The following DLGAP2 variants were observed in gnomAD, a reference collection of about 807,000 sequenced individuals.
DLGAP2 encodes the protein DLG associated protein 2.
A neutral mutation model predicts 100.3 loss-of-function variants in DLGAP2; 26 were observed. That is an observed-to-expected ratio of 0.26 (90% CI 0.19 to 0.36). The LOEUF (loss-of-function observed/expected upper bound fraction) is 0.36, where lower values mean the gene tolerates loss of function less well. Among genes scored for constraint, DLGAP2 ranks in the 10% least tolerant of loss-of-function variants. The pLI is 1.00. For synonymous variants in DLGAP2, 886 were observed against 630.1 expected, an observed-to-expected ratio of 1.41 and a Z score of -6.08; for missense variants, 1,858 against 1,453.2, an observed-to-expected ratio of 1.28 and a Z score of -4.53.
intron 3 of DLGAP2, among the ~76,000 whole-genome samples, chr8:1,458,543 C>T (rs765308818): frequency 6.6e-6 from 1 of 152,180 alleles, no homozygotes; most frequent in Non-Finnish European, 1.5e-5. Context: ...AATAATGGTT[C>T]AGACTTCAGG....
intron 12 of DLGAP2, among the ~76,000 whole-genome samples, chr8:1,689,355 G>GCACA (rs1799197541): frequency 6.6e-6 from 1 of 152,228 alleles, no homozygotes; most frequent in Non-Finnish European, 1.5e-5. Context: ...ACCTGCATGT[G>GCACA]TCTAGGCAAA....
At chr8:1,682,696 ACTC>A (rs1345027705) in intron 12 of DLGAP2, among the ~76,000 whole-genome samples, 1 of 150,740 alleles carries the variant, frequency 6.6e-6, no homozygotes, top group East Asian at 1.9e-4. Context: ...ATAATCGTGA[ACTC>A]CTGGCCTCAA....
intron 2 of DLGAP2, among the ~76,000 whole-genome samples, chr8:1,121,204 C>T (rs1195662365): frequency 6.8e-6 from 1 of 147,574 alleles, no homozygotes; most frequent in Non-Finnish European, 1.5e-5. Flanking sequence ...CCTTTGGAAC[C>T]CATGACCTCC....
intron 1 of DLGAP2, among the ~76,000 whole-genome samples, chr8:817,436 A>G (rs1282636530): frequency 1.3e-5 from 2 of 152,240 alleles, no homozygotes; most frequent in African/African-American, 4.8e-5. Flanking sequence ...TGATTAGCTT[A>G]ATAATTGACC....
In DLGAP2 at chr8:931,102, C is replaced by T. The variant is rs557524660; in HGVS notation, c.73+23136C>T. ...TTTTTTTTTTGCAGCTGAATAGAAA[C>T]GCATGTGTAGGTAGGAGGTATGTGT... is the stretch of plus-strand genomic sequence containing the variant. On this transcript the variant is annotated intron_variant, in intron 2 of 14. Transcript: ENST00000637795. Among the ~76,000 whole-genome samples, 263 of 151,746 alleles carry T rather than the reference C, an allele frequency of 1.7e-3. 3 individuals carry two copies. Among genetic ancestry groups the T allele is most frequent in the African/African-American group, 6.2e-3 (257 of 41,362 alleles).
chr8:1,606,183 C>T (rs997877972), intron 6 of DLGAP2, among the ~76,000 whole-genome samples: 8 of 152,106 alleles, frequency 5.3e-5, no homozygotes, highest in Non-Finnish European at 1.0e-4. Context: ...ACATTCTGAA[C>T]GTACGGTTCA....
chr8:1,617,651 A>G (rs916927705), intron 6 of DLGAP2, among the ~76,000 whole-genome samples: 1 of 152,096 alleles, frequency 6.6e-6, no homozygotes, highest in Non-Finnish European at 1.5e-5. Context: ...ATTTTCTCCC[A>G]TTTTGTACGT....
chr8:1,294,060 G>C (rs1304453368), intron 3 of DLGAP2, among the ~76,000 whole-genome samples: 1 of 152,152 alleles, frequency 6.6e-6, no homozygotes, highest in Non-Finnish European at 1.5e-5. Context: ...AGAGGGGAAT[G>C]GACTCGCCCT....
At chr8:1,585,974 A>G (rs1796106201) in intron 6 of DLGAP2, among the ~76,000 whole-genome samples, 1 of 152,240 alleles carries the variant, frequency 6.6e-6, no homozygotes, top group South Asian at 2.1e-4. Flanking sequence ...TTTACAATAA[A>G]CATGAGGTCC....
intron 3 of DLGAP2, among the ~76,000 whole-genome samples, chr8:1,350,250 G>T (rs1191027726): frequency 9.0e-6 from 1 of 111,720 alleles, no homozygotes; most frequent in Non-Finnish European, 1.9e-5. Context: ...AGGCCGTGCG[G>T]GTCCTGAGCA....
At chr8:753,833 A>G (rs1325171884) in intron 1 of DLGAP2, 2 of 152,256 alleles carry the variant, frequency 1.3e-5, no homozygotes. Context: ...TGCACAGAGA[A>G]AGCTGGGTAT....
chr8:1,312,477 G>A (rs1800635673), intron 3 of DLGAP2, among the ~76,000 whole-genome samples: 1 of 152,150 alleles, frequency 6.6e-6, no homozygotes, highest in Non-Finnish European at 1.5e-5. Flanking sequence ...GAACTCTTAA[G>A]CAACAAGAAG....
chr8:1,474,413 T>A (rs373591843), intron 3 of DLGAP2, among the ~76,000 whole-genome samples: 5 of 152,134 alleles, frequency 3.3e-5, no homozygotes, highest in East Asian at 3.9e-4. Context: ...GGTTGCTGGG[T>A]CAAACGGTGG....
At chr8:1,221,386 G>C (rs1798311396) in intron 2 of DLGAP2, among the ~76,000 whole-genome samples, 2 of 152,082 alleles carry the variant, frequency 1.3e-5, no homozygotes, top group Admixed American at 1.3e-4. Flanking sequence ...TAAAATTCTT[G>C]GTTGGAATTT....
At chr8:1,237,326 A>G (rs1283785547) in intron 2 of DLGAP2, among the ~76,000 whole-genome samples, 2 of 112,930 alleles carry the variant, frequency 1.8e-5, no homozygotes, top group Admixed American at 8.7e-5. Context: ...CATCGTGTCT[A>G]GTTCTCTCAC....
intron 3 of DLGAP2, among the ~76,000 whole-genome samples, chr8:1,339,287 A>G (rs571681033): frequency 2.0e-5 from 3 of 151,106 alleles, no homozygotes; most frequent in East Asian, 3.9e-4. Flanking sequence ...GAATGCAGTG[A>G]CCTCAGTGAG....
At chr8:1,191,374 G>T (rs367550791) in intron 2 of DLGAP2, among the ~76,000 whole-genome samples, 11 of 152,106 alleles carry the variant, frequency 7.2e-5, no homozygotes, top group African/African-American at 2.7e-4. Context: ...ATTTCACCGT[G>T]TTAGCCAGGA....
In DLGAP2 at chr8:1,484,512, A is replaced by G. The variant is rs142903058; in HGVS notation, c.107-16854A>G. Among the ~76,000 whole-genome samples the G allele has an allele frequency of 5.9e-5, 9 of 152,312 alleles. No homozygotes were observed. The East Asian group carries it at 1.7e-3, about 29-fold the overall frequency. On this transcript the variant is annotated intron_variant, in intron 3 of 14. Transcript: ENST00000637795. ...GACCCAGGGTCCTCCATGGTCTGTG[A>G]TGTTTTGATCACGACGGCTGAGGCC... is the stretch of plus-strand genomic sequence containing the variant.
At chr8:1,406,594 A>G (rs569659517) in intron 3 of DLGAP2, among the ~76,000 whole-genome samples, 137 of 12,752 alleles carry the variant, frequency 0.011, no homozygotes, top group Admixed American at 0.014. Flanking sequence ...CCACCTCCTC[A>G]TCCTCCAGAG....
Sources: allele counts gnomAD v4.1 joint callset (sites outside exome capture counted in the v4.1 genomes callset), GRCh38; gene constraint gnomAD v4.1.1; transcripts MANE v1.5; gene names NCBI Gene and HGNC (gene_info 2026-07-23, HGNC 2026-07-21).